TPM3: variants seen among roughly 807,000 people sequenced by gnomAD.
TPM3 encodes tropomyosin alpha-3 chain.
A neutral mutation model predicts 43.1 loss-of-function variants in TPM3; 16 were observed. The observed-to-expected ratio is 0.37, with a 90% CI of 0.25 to 0.56. The LOEUF is 0.56. Ranked by LOEUF, TPM3 falls within the 20% of genes least tolerant of loss-of-function variation. The pLI, the probability that TPM3 is intolerant of heterozygous loss-of-function variation, is 0.77. For missense variants in TPM3, 176 were observed against 337.2 expected (o/e 0.52, Z 3.74); for synonymous variants, 101 against 116.9 (o/e 0.86, Z 0.88).
intron 3 of TPM3, among the ~76,000 whole-genome samples, chr1:154,175,458 T>G (rs981151189): frequency 6.6e-6 from 1 of 152,106 alleles, no homozygotes; most frequent in South Asian, 2.1e-4. Context: ...CCCCAGTGAT[T>G]TCCCCCCTCA....
intron 2 of TPM3, among the ~76,000 whole-genome samples, chr1:154,179,084 CTTA>C (rs1662658255): frequency 6.6e-6 from 1 of 152,234 alleles, no homozygotes; most frequent in South Asian, 2.1e-4. Flanking sequence ...TGGGGTTTCT[CTTA>C]TTAGATAAAA....
rs373895916 is a variant in TPM3 at position 154,192,041 on chromosome 1, C to T, written c.-23G>A. Reference sequence around the variant, plus strand: ...CATGAGCAGTGGCTGTTGGTAGGCTCACCTGTGAACACTGGAGAACTGGAG... The same window carrying T: ...CATGAGCAGTGGCTGTTGGTAGGCTTACCTGTGAACACTGGAGAACTGGAG... On this transcript the variant is annotated 5_prime_UTR_variant, in exon 1 of 10. Coordinates refer to ENST00000651641, the MANE Select transcript of TPM3 (RefSeq NM_152263.4). The T allele has an allele frequency of 3.7e-5, 59 of 1,595,086 alleles. No homozygotes were observed. The African/African-American group carries it at 7.4e-4, about 20-fold the overall frequency.
chr1:154,157,931 A>T (rs545359443), downstream of TPM3, among the ~76,000 whole-genome samples: 2 of 152,082 alleles, frequency 1.3e-5, no homozygotes, highest in Non-Finnish European at 2.9e-5. Flanking sequence ...TTCCTGGGTG[A>T]GGGAGTTAGG....
rs561645304 is a variant in TPM3 at position 154,166,319 on chromosome 1, T to C, written c.*1618A>G. 1.3e-4 allele frequency: 29 copies of C among 229,388 alleles called. No individual in the cohort carries two copies. In the East Asian group the frequency reaches 1.8e-3, roughly 14 times the overall value. 14.2% of individuals were successfully genotyped at this position (229,388 alleles called of 1,614,324 possible). A position where few individuals can be genotyped will look rare whatever the true frequency, so the allele number is the denominator to read the frequency against. On this transcript the variant is annotated 3_prime_UTR_variant, in exon 10 of 10. Transcript: ENST00000651641. ...TTTATAGGTGCAATCCCACTACTGA[T>C]CAGCACAGGAATTTTGACCTGCTCC...
downstream of TPM3, among the ~76,000 whole-genome samples, chr1:154,160,555 C>T (rs1165447110): frequency 6.6e-6 from 1 of 152,108 alleles, no homozygotes; most frequent in Non-Finnish European, 1.5e-5. Flanking sequence ...CCCATTAAAC[C>T]AATGGTTCTC....
chr1:154,167,940 T>C lies in TPM3; in HGVS notation c.855A>G (p.Ile285Met), dbSNP rs761510527. The C allele has an allele frequency of 7.4e-6, 12 of 1,613,668 alleles. No individual in the cohort carries two copies. Among genetic ancestry groups the C allele is most frequent in the Middle Eastern group, 1.6e-4 (1 of 6,084 alleles). ...LDHALNDMTS[I>M] ...AACAGAGCAGAAACGGTGATAATTATCTGTATGAAAAAGTAAGGATACTCT... is the reference window on the plus strand; with the variant it reads ...AACAGAGCAGAAACGGTGATAATTACCTGTATGAAAAAGTAAGGATACTCT... The change falls in exon 10 of 10, where the codon ATA becomes ATG. Residue 285 changes from isoleucine (I) to methionine (M), a missense_variant and splice_region_variant. This residue lies in a region of TPM3 where 26 missense variants were observed against 21.8 expected (regional missense o/e 1.19). Coordinates refer to ENST00000651641, the MANE Select transcript of TPM3 (RefSeq NM_152263.4).
intron 2 of TPM3, among the ~76,000 whole-genome samples, chr1:154,182,250 C>G (rs1434565439): frequency 6.6e-6 from 1 of 152,190 alleles, no homozygotes; most frequent in Non-Finnish European, 1.5e-5. Flanking sequence ...TGGTTGGCTC[C>G]TACATTTGCA....
rs747786849 is a variant in TPM3, at chr1:154,173,166, T to C, written c.413A>G (p.Asp138Gly). The change falls in exon 4 of 10, where the codon GAT (aspartate) becomes GGT (glycine). Residue 138 changes from aspartate to glycine, a missense_variant. Coordinates refer to ENST00000651641, the MANE Select transcript of TPM3 (RefSeq NM_152263.4). ...TTCCTGGAGTTCCATCTTTTCTTCA[T>C]CTTTTAAGGCCCGGTTTTCAATAAC... ...MKVIENRALK[D>G]EEKMELQEIQ... 2 of 1,614,120 alleles carry C rather than the reference T, an allele frequency of 1.2e-6. No individual in the cohort carries two copies. The highest frequency in any genetic ancestry group is 4.5e-5 in the East Asian group (2 of 44,880).
At chr1:154,161,610 A>C (rs1037716007), downstream of TPM3, among the ~76,000 whole-genome samples, 1 of 141,292 alleles carries the variant, frequency 7.1e-6, no homozygotes, top group African/African-American at 2.6e-5. Context: ...TAATTTTTGC[A>C]TTTTTTTTTT....
chr1:154,174,368 GTATATATATATA>G (rs34224787), intron 3 of TPM3, among the ~76,000 whole-genome samples: 722 of 46,390 alleles, frequency 0.016, 44 homozygotes, highest in Non-Finnish European at 0.022. Flanking sequence ...AAATATATGT[GTATATATATATA>G]TATATATATA....
At chr1:154,177,785 AG>A (rs1429633898) in intron 2 of TPM3, among the ~76,000 whole-genome samples, 3 of 152,186 alleles carry the variant, frequency 2.0e-5, no homozygotes, top group African/African-American at 7.2e-5. Context: ...TTTAACCATC[AG>A]GACTGGCACA....
At position 154,167,625 on chromosome 1, in the gene TPM3, T is replaced by C. The variant is rs1251165733; in HGVS notation, c.*312A>G. On this transcript the variant is annotated 3_prime_UTR_variant, in exon 10 of 10. Coordinates refer to ENST00000651641, the MANE Select transcript of TPM3 (RefSeq NM_152263.4). ...AAAATAGACACACACAAAAGTGGCT[T>C]TGATTACATAAGTCAGAGGAGGGGG... The C allele has an allele frequency of 9.6e-6, 12 of 1,247,118 alleles. No homozygotes were observed. Among genetic ancestry groups the C allele is most frequent in the Non-Finnish European group, 1.2e-5 (12 of 985,914 alleles). The allele number at this position is 1,247,118 out of a possible 1,614,324, so 77.3% of individuals were successfully genotyped here.
Position 154,186,724 on chromosome 1 carries a change from G to A in TPM3, c.243+4462C>T, listed in dbSNP as rs142519613. On this transcript the variant is annotated intron_variant, in intron 2 of 9. Transcript: ENST00000651641. Reference sequence around the variant, plus strand: ...ACTACTGAATTAGACATTTAAAAATGGTTAAAATGGTAAGTTTTATGTATG... The same window carrying A: ...ACTACTGAATTAGACATTTAAAAATAGTTAAAATGGTAAGTTTTATGTATG... Among the ~76,000 whole-genome samples the A allele has an allele frequency of 1.2e-3, 175 of 151,722 alleles. 8 individuals carry two copies. Among genetic ancestry groups the A allele is most frequent in the African/African-American group, 4.0e-3 (164 of 41,018 alleles).
chr1:154,176,573 A>G (rs1662339092), intron 2 of TPM3, among the ~76,000 whole-genome samples: 1 of 150,116 alleles, frequency 6.7e-6, no homozygotes, highest in Non-Finnish European at 1.5e-5. Flanking sequence ...AAGAAAGTCA[A>G]TGAAGGGTTC....
intron 9 of TPM3, 119 bp downstream of exon 9, chr1:154,169,186 A>G (rs1661309274): frequency 3.7e-6 from 4 of 1,082,694 alleles, no homozygotes; most frequent in Non-Finnish European, 5.6e-6. Flanking sequence ...TGTTTCAAAG[A>G]TAAGGGTGGA....
intron 3 of TPM3, among the ~76,000 whole-genome samples, chr1:154,174,407 T>TATATATAC (rs1261318136): frequency 0.051 from 3,643 of 71,592 alleles, 154 homozygotes; most frequent in Middle Eastern, 0.08. Flanking sequence ...TATATATATA[T>TATATATAC]ACACACAAAA....
At position 154,161,871 on chromosome 1, in the gene TPM3, T is replaced by C. The variant is rs1315932756; in HGVS notation, c.*6066A>G. Among the ~76,000 whole-genome samples the C allele has an allele frequency of 6.6e-6, 1 of 152,154 alleles. No individual in the cohort carries two copies. The highest frequency in any genetic ancestry group is 2.4e-5 in the African/African-American group (1 of 41,436). ...CACAGAACACAGAGTTTCCTAGGAATTGCATGAGGTCAGAAAGACAAATGC... is the reference window on the plus strand; with the variant it reads ...CACAGAACACAGAGTTTCCTAGGAACTGCATGAGGTCAGAAAGACAAATGC... On this transcript the variant is annotated 3_prime_UTR_variant, in exon 10 of 10. Coordinates refer to ENST00000651641, the MANE Select transcript of TPM3 (RefSeq NM_152263.4).
intron 2 of TPM3, among the ~76,000 whole-genome samples, chr1:154,180,923 T>C (rs932653425): frequency 7.1e-6 from 1 of 141,688 alleles, no homozygotes; most frequent in Non-Finnish European, 1.5e-5. Context: ...AGTCTCCATC[T>C]AAAAAAAAAA....
chr1:154,185,930 T>G (rs1446170632), intron 2 of TPM3, among the ~76,000 whole-genome samples: 1 of 151,444 alleles, frequency 6.6e-6, no homozygotes, highest in Non-Finnish European at 1.5e-5. Context: ...GGACTTACAA[T>G]GAAGAGTCCT....
Sources: allele counts gnomAD v4.1 joint callset (sites outside exome capture counted in the v4.1 genomes callset), GRCh38; gene constraint gnomAD v4.1.1; regional missense constraint gnomAD v4.1.1; transcripts MANE v1.5; gene names NCBI Gene and HGNC (gene_info 2026-07-23, HGNC 2026-07-21).